The following ROBO1 variants were observed in gnomAD, a reference collection of about 807,000 sequenced individuals.
The protein encoded by ROBO1 is roundabout homolog 1.
Under a neutral mutation model 195.9 loss-of-function variants are expected in ROBO1, and 149 were observed. That is an observed-to-expected ratio of 0.76 (90% CI 0.67 to 0.87). ROBO1 has a LOEUF of 0.87. Among genes scored for constraint, ROBO1 ranks in the 40% least tolerant of loss-of-function variants. The pLI is 0.00. For missense variants in ROBO1, 1,933 were observed against 2,068.3 expected (o/e 0.93, Z 1.27); for synonymous variants, 816 against 733.2 (o/e 1.11, Z -1.82).
intron 4 of ROBO1, among the ~76,000 whole-genome samples, chr3:78,885,134 T>A (rs988097419): frequency 8.6e-5 from 13 of 152,044 alleles, no homozygotes; most frequent in Non-Finnish European, 1.6e-4. Context: ...TAGAGGCCAT[T>A]ATCCTTAGCA....
intron 2 of ROBO1, among the ~76,000 whole-genome samples, chr3:79,273,601 A>T (rs2108979199): frequency 6.6e-6 from 1 of 152,162 alleles, no homozygotes; most frequent in Non-Finnish European, 1.5e-5. Context: ...GGAATGAAAG[A>T]AGAGAAGACC....
intron 2 of ROBO1, among the ~76,000 whole-genome samples, chr3:79,384,332 AATTGCTTTCT>A (rs2036665607): frequency 6.6e-6 from 1 of 152,010 alleles, no homozygotes; most frequent in Non-Finnish European, 1.5e-5. Flanking sequence ...CAATGATCAA[AATTGCTTTCT>A]GCAATTTTTT....
chr3:79,351,202 C>T lies in ROBO1; in HGVS notation c.89-225663G>A, dbSNP rs536071825. ...AATTATGACTAAATAAAAAATTTGG[C>T]TTTATAGTTTTATGTTGCTTCAGGC... On this transcript the variant is annotated intron_variant, in intron 2 of 30. Transcript: ENST00000464233. 7.9e-4 allele frequency among the ~76,000 whole-genome samples: 120 copies of T among 152,196 alleles called. 1 individual carries two copies. Among genetic ancestry groups the T allele is most frequent in the Middle Eastern group, 6.8e-3 (2 of 294 alleles).
At chr3:79,626,143 TC>T (rs1471911577) in intron 1 of ROBO1, among the ~76,000 whole-genome samples, 1 of 152,068 alleles carries the variant, frequency 6.6e-6, no homozygotes, top group Non-Finnish European at 1.5e-5. Flanking sequence ...AAATTCAACA[TC>T]CTTTCATGTT....
At chr3:79,529,336 A>G (rs1333150305) in intron 2 of ROBO1, among the ~76,000 whole-genome samples, 2 of 152,104 alleles carry the variant, frequency 1.3e-5, no homozygotes, top group Non-Finnish European at 2.9e-5. Flanking sequence ...AACAAAAAAA[A>G]TTAGCTAGGC....
chr3:79,725,933 AG>A (rs879358733), intron 1 of ROBO1, among the ~76,000 whole-genome samples: 2,362 of 151,352 alleles, frequency 0.016, 54 homozygotes, highest in African/African-American at 0.051. Context: ...TAAAAAAAAA[AG>A]TATATCTGGC....
chr3:79,384,669 A>G (rs1176563445), intron 2 of ROBO1, among the ~76,000 whole-genome samples: 5 of 152,016 alleles, frequency 3.3e-5, no homozygotes, highest in Admixed American at 6.6e-5. Context: ...AATCTCTTTT[A>G]GCAAGTTAAA....
chr3:78,771,438 A>G (rs529055364), intron 4 of ROBO1, among the ~76,000 whole-genome samples: 2 of 152,290 alleles, frequency 1.3e-5, no homozygotes, highest in African/African-American at 4.8e-5. Context: ...GAAGAATGAC[A>G]TTGGTAGTTT....
intron 1 of ROBO1, among the ~76,000 whole-genome samples, chr3:79,709,936 C>G (rs74530557): frequency 0.023 from 3,486 of 152,282 alleles, 93 homozygotes; most frequent in African/African-American, 0.068. Flanking sequence ...ACAGAATCAT[C>G]TGCTGCTGCA....
chr3:79,300,968 A>C (rs1340660721), intron 2 of ROBO1, among the ~76,000 whole-genome samples: 1 of 152,042 alleles, frequency 6.6e-6, no homozygotes, highest in Non-Finnish European at 1.5e-5. Flanking sequence ...AAAACACACC[A>C]CTGGGCTCTA....
At chr3:79,438,207 C>T (rs2038947221) in intron 2 of ROBO1, among the ~76,000 whole-genome samples, 1 of 151,592 alleles carries the variant, frequency 6.6e-6, no homozygotes, top group Non-Finnish European at 1.5e-5. Context: ...AATTTAAATA[C>T]CTGCATTTTT....
chr3:79,324,330 G>C (rs1237082854), intron 2 of ROBO1, among the ~76,000 whole-genome samples: 5 of 152,188 alleles, frequency 3.3e-5, no homozygotes, highest in Non-Finnish European at 7.4e-5. Context: ...AAATTAGAGA[G>C]AAGTTTTCTG....
intron 2 of ROBO1, among the ~76,000 whole-genome samples, chr3:79,553,771 C>T (rs1455222555): frequency 6.6e-6 from 1 of 152,010 alleles, no homozygotes; most frequent in African/African-American, 2.4e-5. Flanking sequence ...TATCACTGGC[C>T]ACGGGCCCAT....
chr3:79,464,271 G>A (rs1236275894), intron 2 of ROBO1, among the ~76,000 whole-genome samples: 2 of 152,206 alleles, frequency 1.3e-5, no homozygotes, highest in East Asian at 3.9e-4. Context: ...TTTTCGTTTG[G>A]CTTGAATATA....
Position 79,606,391 on chromosome 3 carries a change from G to T in ROBO1, c.-50-16430C>A, listed in dbSNP as rs557851067. On this transcript the variant is annotated intron_variant, in intron 1 of 30. Coordinates refer to ENST00000464233, the MANE Select transcript of ROBO1 (RefSeq NM_002941.4). ...ATAATGAATGACCCTCTCTCTTTGT[G>T]TCTGTCTCCTCATCATCCATCCAGC... Among the ~76,000 whole-genome samples the T allele has an allele frequency of 9.1e-4, 138 of 151,996 alleles. 1 individual carries two copies. The highest frequency in any genetic ancestry group is 3.2e-3 in the African/African-American group (132 of 41,484).
intron 4 of ROBO1, among the ~76,000 whole-genome samples, chr3:78,802,084 A>G (rs1238690459): frequency 6.6e-6 from 1 of 152,128 alleles, no homozygotes; most frequent in Non-Finnish European, 1.5e-5. Context: ...TTACTATGCA[A>G]TTAACATCAG....
intron 2 of ROBO1, among the ~76,000 whole-genome samples, chr3:79,264,467 T>C (rs1033935585): frequency 6.6e-5 from 10 of 151,998 alleles, no homozygotes; most frequent in African/African-American, 2.4e-4. Context: ...CGCCTATTCA[T>C]GCATTCAACT....
At chr3:79,204,982 G>C (rs1576812025) in intron 2 of ROBO1, among the ~76,000 whole-genome samples, 1 of 138,694 alleles carries the variant, frequency 7.2e-6, no homozygotes, top group Non-Finnish European at 1.5e-5. Context: ...GAATTAGTTA[G>C]TTAGTTAGTT....
At chr3:79,326,855 T>A (rs976557014) in intron 2 of ROBO1, among the ~76,000 whole-genome samples, 2 of 152,180 alleles carry the variant, frequency 1.3e-5, no homozygotes, top group Non-Finnish European at 2.9e-5. Context: ...TGAATTCAAC[T>A]AAATGAATAT....
Sources: gnomAD v4.1 joint callset for allele counts (sites outside exome capture counted in the v4.1 genomes callset) on GRCh38, gnomAD v4.1.1 for gene constraint, MANE v1.5 for transcripts, NCBI Gene and HGNC (gene_info 2026-07-23, HGNC 2026-07-21) for gene names.